The following ABCA13 variants were observed in gnomAD, a reference collection of about 807,000 sequenced individuals.
ABCA13 encodes ATP-binding cassette sub-family A member 13.
In ABCA13, 476 loss-of-function variants were observed where a neutral mutation model predicts 478.7. The ratio of observed to expected loss-of-function variants is 0.99; its 90% CI spans 0.92 to 1.07. The LOEUF (loss-of-function observed/expected upper bound fraction) is 1.07, where lower values mean the gene tolerates loss of function less well. Ranked by LOEUF, ABCA13 falls within the 50% of genes least tolerant of loss-of-function variation. ABCA13 has a pLI of 0.00. For missense variants in ABCA13, 6,060 were observed against 5,910.6 expected, an observed-to-expected ratio of 1.03 and a Z score of -0.83; for synonymous variants, 2,252 against 2,158.9, an observed-to-expected ratio of 1.04 and a Z score of -1.20.
chr7:48,217,898 C>T (rs1291490002), intron 3 of ABCA13, among the ~76,000 whole-genome samples: 1 of 152,104 alleles, frequency 6.6e-6, no homozygotes, highest in Admixed American at 6.6e-5. Flanking sequence ...CAAGCATTAC[C>T]TGATAAAAGT....
In ABCA13 at chr7:48,387,964, G is replaced by A. The variant is rs748513593; in HGVS notation, c.11473+5G>A. 5 of 1,596,282 alleles carry A rather than the reference G, an allele frequency of 3.1e-6. No homozygotes were observed. The highest frequency in any genetic ancestry group is 3.4e-6 in the Non-Finnish European group (4 of 1,175,412). On this transcript the variant is annotated splice_donor_5th_base_variant and intron_variant, in intron 36 of 61. Coordinates refer to ENST00000435803, the MANE Select transcript of ABCA13 (RefSeq NM_152701.5). ...ATGAGAACTTTGACAATAAAGGTTT[G>A]TAAGGAGTAGAATTATTAGATGCAT... is the stretch of plus-strand genomic sequence containing the variant.
chr7:48,556,236 T>C (rs1785811647), intron 55 of ABCA13, among the ~76,000 whole-genome samples: 1 of 151,970 alleles, frequency 6.6e-6, no homozygotes, highest in Non-Finnish European at 1.5e-5. Context: ...TGTTCTTTCC[T>C]TGACAGTGAT....
At chr7:48,618,741 G>T (rs1792848546) in intron 59 of ABCA13, among the ~76,000 whole-genome samples, 1 of 152,206 alleles carries the variant, frequency 6.6e-6, no homozygotes, top group Admixed American at 6.5e-5. Context: ...TAGTACCTGT[G>T]CCTGGGGTGA....
In ABCA13 at chr7:48,279,570, T is replaced by C. The variant is rs777142698; in HGVS notation, c.8376T>C (p.Asp2792=). The C allele has an allele frequency of 1.9e-6, 3 of 1,613,472 alleles. No homozygotes were observed. Among genetic ancestry groups the C allele is most frequent in the Non-Finnish European group, 1.7e-6 (2 of 1,179,662 alleles). Residue 2792 remains aspartate (D), a synonymous_variant, in exon 18 of 62, where the codon GAT becomes GAC. Transcript: ENST00000435803. ...SSGIKSDYEG[D]LNKSLYFDTP... ...GAATTAAAAGTGACTATGAAGGTGA[T>C]TTGAATAAAAGTTTATATTTTGACA...
chr7:48,353,913 A>G (rs1809463878), intron 31 of ABCA13, among the ~76,000 whole-genome samples: 1 of 151,988 alleles, frequency 6.6e-6, no homozygotes, highest in African/African-American at 2.4e-5. Context: ...TTGTAAAATG[A>G]TAGCTTTTCT....
At chr7:48,478,793 G>A (rs1440407479) in intron 45 of ABCA13, among the ~76,000 whole-genome samples, 1 of 152,022 alleles carries the variant, frequency 6.6e-6, no homozygotes, top group Non-Finnish European at 1.5e-5. Context: ...CTGTGCTTTG[G>A]GAGAGATGGT....
chr7:48,320,968 C>A (rs1248875363), intron 27 of ABCA13, among the ~76,000 whole-genome samples: 1 of 152,108 alleles, frequency 6.6e-6, no homozygotes, highest in African/African-American at 2.4e-5. Flanking sequence ...AATAGTAAAC[C>A]AATGGGATCT....
At chr7:48,449,254 A>G (rs1243046960) in intron 42 of ABCA13, among the ~76,000 whole-genome samples, 1 of 151,650 alleles carries the variant, frequency 6.6e-6, no homozygotes, top group Non-Finnish European at 1.5e-5. Flanking sequence ...TTTCCTTTTG[A>G]TTTCTCTCTA....
Position 48,587,225 on chromosome 7 carries a change from G to A in ABCA13, c.14577G>A (p.Gly4859=). 3.7e-6 allele frequency: 6 copies of A among 1,612,620 alleles called. No homozygotes were observed. Among genetic ancestry groups the A allele is most frequent in the Non-Finnish European group, 5.1e-6 (6 of 1,179,356 alleles). ...HADKPVATYS[G]GTKRKLSTAL... ...ACAAACCTGTGGCCACCTACAGTGGGGGAACCAAGCGGAAACTCTCTACAG... is the reference window on the plus strand; with the variant it reads ...ACAAACCTGTGGCCACCTACAGTGGAGGAACCAAGCGGAAACTCTCTACAG... Residue 4859 remains glycine, a synonymous_variant, in exon 57 of 62, where the codon GGG becomes GGA. Coordinates refer to ENST00000435803, the MANE Select transcript of ABCA13 (RefSeq NM_152701.5).
At chr7:48,381,190 T>C (rs1814315158) in intron 35 of ABCA13, among the ~76,000 whole-genome samples, 1 of 152,060 alleles carries the variant, frequency 6.6e-6, no homozygotes, top group Admixed American at 6.6e-5. Flanking sequence ...AAAGTGTAGT[T>C]TCAATGACAG....
rs764274935 is a variant in ABCA13, at chr7:48,483,164, G to A, written c.13182+1G>A. 5 of 1,607,002 alleles carry A rather than the reference G, an allele frequency of 3.1e-6. No individual in the cohort carries two copies. Among genetic ancestry groups the A allele is most frequent in the Non-Finnish European group, 4.2e-6 (5 of 1,177,672 alleles). On this transcript the variant is annotated splice_donor_variant, in intron 47 of 61. Coordinates refer to ENST00000435803, the MANE Select transcript of ABCA13 (RefSeq NM_152701.5). LOFTEE classifies it high-confidence loss of function. Reference sequence around the variant, plus strand: ...ATCAAAACCCCCAACTCTGGCAAAGGTAATCATATTTTTTTATTTTTTTCC... The same window carrying A: ...ATCAAAACCCCCAACTCTGGCAAAGATAATCATATTTTTTTATTTTTTTCC...
intron 8 of ABCA13, chr7:48,234,362 C>A: frequency 1.6e-6 from 1 of 623,666 alleles, no homozygotes. Context: ...AGTTTTATCC[C>A]AGAATGGAAA....
chr7:48,528,477 C>T (rs1833022644), intron 55 of ABCA13, 132 bp downstream of exon 55: 1 of 628,410 alleles, frequency 1.6e-6, no homozygotes, highest in Non-Finnish European at 2.6e-6. Context: ...TTCCAATTAC[C>T]ACTCCTCTGA....
At chr7:48,550,684 T>A (rs1430824927) in intron 55 of ABCA13, among the ~76,000 whole-genome samples, 1 of 151,716 alleles carries the variant, frequency 6.6e-6, no homozygotes, top group African/African-American at 2.4e-5. Context: ...TATTTATCTA[T>A]CTACGTACCT....
chr7:48,542,550 C>A (rs1834009618), intron 55 of ABCA13, among the ~76,000 whole-genome samples: 1 of 151,334 alleles, frequency 6.6e-6, no homozygotes, highest in Non-Finnish European at 1.5e-5. Context: ...ATAATAAATA[C>A]ATTCAAGGCT....
chr7:48,274,931 G>T lies in ABCA13; in HGVS notation c.5265G>T (p.Arg1755Ser), dbSNP rs183356080. 8.7e-6 allele frequency: 14 copies of T among 1,613,796 alleles called. No homozygotes were observed. The South Asian group carries it at 9.9e-5, about 11-fold the overall frequency. ...DVYYVLPHAV[R>S]LLQGVPGKNI... Reference sequence around the variant, plus strand: ...ACTATGTGCTTCCTCATGCTGTAAGGCTCCTGCAGGGAGTACCTGGTAAAA... The same window carrying T: ...ACTATGTGCTTCCTCATGCTGTAAGTCTCCTGCAGGGAGTACCTGGTAAAA... Residue 1755 changes from arginine (R) to serine (S), a missense_variant, in exon 17 of 62, where the codon AGG becomes AGT. This residue lies in a region of ABCA13 where 4,423 missense variants were observed against 4,309.1 expected (regional missense o/e 1.03). Coordinates refer to ENST00000435803, the MANE Select transcript of ABCA13 (RefSeq NM_152701.5).
intron 1 of ABCA13, among the ~76,000 whole-genome samples, chr7:48,186,933 G>A (rs1796421069): frequency 6.6e-6 from 1 of 151,398 alleles, no homozygotes; most frequent in African/African-American, 2.4e-5. Flanking sequence ...ACCCCTCAGG[G>A]TGTTTGGTAA....
intron 43 of ABCA13, among the ~76,000 whole-genome samples, chr7:48,464,849 T>A (rs1293700990): frequency 2.6e-5 from 4 of 152,094 alleles, no homozygotes; most frequent in African/African-American, 9.7e-5. Context: ...AGCCTCCAGT[T>A]AAACTCCAGT....
intron 42 of ABCA13, among the ~76,000 whole-genome samples, chr7:48,445,017 T>C (rs1478088658): frequency 6.6e-6 from 1 of 151,088 alleles, no homozygotes; most frequent in East Asian, 1.9e-4. Flanking sequence ...CTTTCTTTTT[T>C]TTTTTTTTGA....
Sources: gnomAD v4.1 joint callset for allele counts (sites outside exome capture counted in the v4.1 genomes callset) on GRCh38, gnomAD v4.1.1 for gene constraint, gnomAD v4.1.1 regional missense constraint, MANE v1.5 for transcripts, NCBI Gene and HGNC (gene_info 2026-07-23, HGNC 2026-07-21) for gene names.